REV3L: variants seen among roughly 807,000 people sequenced by gnomAD.
The protein encoded by REV3L is DNA polymerase zeta catalytic subunit.
Under a neutral mutation model 299.4 loss-of-function variants are expected in REV3L, and 69 were observed. The observed-to-expected ratio is 0.23, with a 90% CI of 0.19 to 0.28. REV3L has a LOEUF of 0.28. Ranked by LOEUF, REV3L falls within the 10% of genes least tolerant of loss-of-function variation. The probability of loss-of-function intolerance (pLI) is 1.00; values close to 1 mark genes in which losing one functional copy is unlikely to be tolerated. For synonymous variants in REV3L, 1,238 were observed against 1,271.4 expected, an observed-to-expected ratio of 0.97 and a Z score of 0.56; for missense variants, 3,128 against 3,693.8, an observed-to-expected ratio of 0.85 and a Z score of 3.97.
chr6:111,433,033 G>A (rs1037380262), intron 1 of REV3L, among the ~76,000 whole-genome samples: 2 of 151,810 alleles, frequency 1.3e-5, no homozygotes, highest in Non-Finnish European at 2.9e-5. Context: ...CAAACCTATG[G>A]GATACAGCAA....
At chr6:111,360,997 G>A (rs193089252) in intron 16 of REV3L, among the ~76,000 whole-genome samples, 2 of 151,664 alleles carry the variant, frequency 1.3e-5, no homozygotes, top group African/African-American at 4.8e-5. Flanking sequence ...TTAACAATAA[G>A]CATGCATTAA....
At chr6:111,363,452 C>G (rs1444783177) in intron 16 of REV3L, among the ~76,000 whole-genome samples, 2 of 151,922 alleles carry the variant, frequency 1.3e-5, no homozygotes, top group African/African-American at 4.8e-5. Flanking sequence ...ACTATAGGTG[C>G]GCGCCACCAT....
At chr6:111,357,302 C>G (rs1778190177) in intron 17 of REV3L, among the ~76,000 whole-genome samples, 177 bp from the exon 18 acceptor site, 2 of 152,252 alleles carry the variant, frequency 1.3e-5, no homozygotes, top group South Asian at 4.1e-4. Flanking sequence ...AAAAAACTCT[C>G]AAAAGATTTT....
chr6:111,323,405 G>C (rs1430119752), intron 25 of REV3L, among the ~76,000 whole-genome samples: 1 of 152,132 alleles, frequency 6.6e-6, no homozygotes, highest in Non-Finnish European at 1.5e-5. Flanking sequence ...TGATGATAAT[G>C]TCTTTCAATA....
chr6:111,410,242 G>A (rs1368405397), intron 3 of REV3L, among the ~76,000 whole-genome samples: 1 of 152,132 alleles, frequency 6.6e-6, no homozygotes, highest in Non-Finnish European at 1.5e-5. Flanking sequence ...ATGAATAAAT[G>A]AATGAATCCA....
intron 1 of REV3L, among the ~76,000 whole-genome samples, chr6:111,448,912 C>G (rs766817111): frequency 6.6e-6 from 1 of 151,754 alleles, no homozygotes; most frequent in African/African-American, 2.4e-5. Context: ...ATCTTCCTGC[C>G]CCGGCCTCCC....
Position 111,348,244 on chromosome 6 carries a change from T to G in REV3L, c.7419+974A>C, listed in dbSNP as rs537373294. On this transcript the variant is annotated intron_variant, in intron 20 of 31. Transcript: ENST00000368802. ...TTGGGATTAGAGGTGTGAGCCACCA[T>G]GTATGGCTTTTTTACATTTCAAATA... Among the ~76,000 whole-genome samples, 249 of 152,276 alleles carry G rather than the reference T, an allele frequency of 1.6e-3. 1 individual carries two copies. Among genetic ancestry groups the G allele is most frequent in the African/African-American group, 5.8e-3 (240 of 41,558 alleles).
At chr6:111,480,788 CA>C (rs542912757) in intron 1 of REV3L, among the ~76,000 whole-genome samples, 29 of 132,456 alleles carry the variant, frequency 2.2e-4, no homozygotes, top group East Asian at 1.1e-3. Flanking sequence ...AAGTATGTAC[CA>C]AAAAAAAAAC....
At chr6:111,357,851 A>G (rs1318174955) in intron 17 of REV3L, among the ~76,000 whole-genome samples, 1 of 152,144 alleles carries the variant, frequency 6.6e-6, no homozygotes, top group Non-Finnish European at 1.5e-5. Flanking sequence ...AAAAAAAGAA[A>G]GCCTTAATTT....
At chr6:111,390,857 C>T (rs1582814074) in intron 5 of REV3L, among the ~76,000 whole-genome samples, 1 of 151,846 alleles carries the variant, frequency 6.6e-6, no homozygotes, top group Non-Finnish European at 1.5e-5. Context: ...TTCATCAGTG[C>T]CCCAAAAGAG....
At position 111,300,022 on chromosome 6, in the gene REV3L, C is replaced by T. The variant is rs1771302129; in HGVS notation, c.9387G>A (p.Gln3129=). Residue 3129 remains glutamine, a synonymous_variant, in exon 32 of 32, where the codon CAG becomes CAA. Transcript: ENST00000368802. ...ATACTGTGATATTGACAATTTAAAACTGGTCTAATAACTGCCGGAGATATG... is the reference window on the plus strand; with the variant it reads ...ATACTGTGATATTGACAATTTAAAATTGGTCTAATAACTGCCGGAGATATG... ...KAPYLRQLLD[Q]F 6.2e-7 allele frequency: 1 copy of T among 1,611,146 alleles called. No individual in the cohort carries two copies. The highest frequency in any genetic ancestry group is 8.5e-7 in the Non-Finnish European group (1 of 1,178,954).
At chr6:111,429,075 G>A (rs957033481) in intron 1 of REV3L, among the ~76,000 whole-genome samples, 15 of 152,122 alleles carry the variant, frequency 9.9e-5, no homozygotes, top group African/African-American at 2.9e-4. Context: ...AGAGTGGAAT[G>A]CCATCTTCAA....
At chr6:111,467,657 T>C (rs1791668513) in intron 1 of REV3L, among the ~76,000 whole-genome samples, 1 of 152,210 alleles carries the variant, frequency 6.6e-6, no homozygotes, top group Non-Finnish European at 1.5e-5. Flanking sequence ...TCACAACTAT[T>C]ACATAGCATT....
intron 18 of REV3L, among the ~76,000 whole-genome samples, chr6:111,352,361 A>C (rs957627413): frequency 6.6e-6 from 1 of 152,148 alleles, no homozygotes; most frequent in Non-Finnish European, 1.5e-5. Flanking sequence ...AAGTGGGAAA[A>C]GAGGCTGATG....
At chr6:111,467,276 T>C (rs575500723) in intron 1 of REV3L, among the ~76,000 whole-genome samples, 217 of 152,378 alleles carry the variant, frequency 1.4e-3, no homozygotes, top group African/African-American at 4.5e-3. Flanking sequence ...AGATGTGGCA[T>C]AGGAGGTCAC....
intron 4 of REV3L, among the ~76,000 whole-genome samples, chr6:111,400,432 T>A (rs1355377812): frequency 6.6e-6 from 1 of 152,166 alleles, no homozygotes; most frequent in Non-Finnish European, 1.5e-5. Flanking sequence ...TTCTAATAGG[T>A]ATATAGTGGT....
chr6:111,412,170 C>A, intron 2 of REV3L: 2 of 985,274 alleles, frequency 2.0e-6, no homozygotes, highest in Non-Finnish European at 2.4e-6. Flanking sequence ...ACCTGTAACA[C>A]ACAACCATAT....
At position 111,356,951 on chromosome 6, in the gene REV3L, T is replaced by C. The variant is rs1001893287; in HGVS notation, c.7184+63A>G. The C allele has an allele frequency of 3.8e-6, 3 of 785,424 alleles. No homozygotes were observed. The African/African-American group carries it at 5.3e-5, about 14-fold the overall frequency. The allele number at this position is 785,424 out of a possible 1,614,324, so 48.7% of individuals were successfully genotyped here. On this transcript the variant is annotated intron_variant, in intron 18 of 31. Transcript: ENST00000368802. ...ACCTTTACTTTTATCTTCACTATTA[T>C]CTGCAATAGCATGAAACGACTCTCT...
intron 21 of REV3L, among the ~76,000 whole-genome samples, chr6:111,338,408 A>G (rs1776154064): frequency 1.4e-5 from 2 of 141,126 alleles, no homozygotes; most frequent in African/African-American, 5.2e-5. Flanking sequence ...ATTAAGAAAC[A>G]TAATCAGCAG....
Sources: gnomAD v4.1 joint callset for allele counts (sites outside exome capture counted in the v4.1 genomes callset) on GRCh38, gnomAD v4.1.1 for gene constraint, MANE v1.5 for transcripts, NCBI Gene and HGNC (gene_info 2026-07-23, HGNC 2026-07-21) for gene names.